Variants in UGP2 observed in about 807,000 individuals in gnomAD.
The protein encoded by UGP2 is UTP--glucose-1-phosphate uridylyltransferase.
A neutral mutation model predicts 49.0 loss-of-function variants in UGP2; 40 were observed. That is an observed-to-expected ratio of 0.82 (90% CI 0.63 to 1.06). The LOEUF is 1.06. Ranked by LOEUF, UGP2 falls within the 50% of genes least tolerant of loss-of-function variation. The pLI is 0.00. For missense variants in UGP2, 460 were observed against 603.5 expected, an observed-to-expected ratio of 0.76 and a Z score of 2.49; for synonymous variants, 225 against 213.0, an observed-to-expected ratio of 1.06 and a Z score of -0.49.
At position 63,866,985 on chromosome 2, in the gene UGP2, T is replaced by C. The variant is rs151215249; in HGVS notation, c.255+9049T>C. ...ATGGCTACTTTGACATTTACCTGTT[T>C]TTAAATTTTTTATTTTTAACACCAT... On this transcript the variant is annotated intron_variant, in intron 3 of 9. Coordinates refer to ENST00000337130, the MANE Select transcript of UGP2 (RefSeq NM_006759.4). Among the ~76,000 whole-genome samples, 389 of 152,356 alleles carry C rather than the reference T, an allele frequency of 2.6e-3. 2 individuals carry two copies. Among genetic ancestry groups the C allele is most frequent in the African/African-American group, 9.2e-3 (384 of 41,590 alleles).
Position 63,842,111 on chromosome 2 carries a change from A to G in UGP2, c.-75A>G. ...CATCGGTTGTTAAAGCAGGAGAGGA[A>G]GAGAGACCTGCCCTGTAGCGTGACT... is the stretch of plus-strand genomic sequence containing the variant. On this transcript the variant is annotated 5_prime_UTR_variant, in exon 1 of 10. Transcript: ENST00000337130. The G allele has an allele frequency of 6.5e-7, 1 of 1,527,404 alleles. No homozygotes were observed. Among genetic ancestry groups the G allele is most frequent in the Non-Finnish European group, 8.7e-7 (1 of 1,143,006 alleles). The allele number at this position is 1,527,404 out of a possible 1,614,324, so 94.6% of individuals were successfully genotyped here.
intron 8 of UGP2, 54 bp from the exon 9 acceptor site, chr2:63,890,027 G>GTCTT: frequency 7.4e-7 from 1 of 1,344,138 alleles, no homozygotes; most frequent in Non-Finnish European, 1.0e-6. Context: ...TATTTTTCCT[G>GTCTT]TCTTTCTTTG....
At chr2:63,890,051 C>A (rs373310036) in intron 8 of UGP2, 30 bp from the exon 9 acceptor site, 2 of 1,548,196 alleles carry the variant, frequency 1.3e-6, no homozygotes, top group Admixed American at 1.9e-5. Context: ...CCATTTGAGA[C>A]AAATTTTTAT....
At chr2:63,876,531 T>TCA (rs1670916179) in intron 3 of UGP2, among the ~76,000 whole-genome samples, 1 of 152,242 alleles carries the variant, frequency 6.6e-6, no homozygotes, top group Admixed American at 6.5e-5. Context: ...GAGAGTCTTC[T>TCA]GTGGTTAACA....
chr2:63,881,225 G>A (rs1671285183), intron 3 of UGP2, among the ~76,000 whole-genome samples: 1 of 152,046 alleles, frequency 6.6e-6, no homozygotes, highest in African/African-American at 2.4e-5. Context: ...TTGTTATCAG[G>A]AGGCAACATA....
At chr2:63,876,931 C>G (rs1185275058) in intron 3 of UGP2, among the ~76,000 whole-genome samples, 2 of 152,158 alleles carry the variant, frequency 1.3e-5, no homozygotes, top group African/African-American at 2.4e-5. Context: ...TGGGGATATT[C>G]GAGTTAAAAC....
chr2:63,854,106 GGA>G (rs1669225192), intron 1 of UGP2, among the ~76,000 whole-genome samples: 1 of 152,130 alleles, frequency 6.6e-6, no homozygotes, highest in Admixed American at 6.5e-5. Context: ...TGGTGGAATG[GGA>G]CTAAAAAAAC....
intron 3 of UGP2, 140 bp from the exon 4 acceptor site, chr2:63,882,326 G>T: frequency 1.4e-6 from 1 of 706,170 alleles, no homozygotes. Flanking sequence ...AAGGGCCTAT[G>T]ACATTAAAGA....
intron 3 of UGP2, among the ~76,000 whole-genome samples, chr2:63,859,003 C>CT (rs1400050164): frequency 0.024 from 3,305 of 135,126 alleles, 35 homozygotes; most frequent in East Asian, 0.041. Context: ...TTTCTTTTTT[C>CT]TTTTTTTTTT....
chr2:63,884,633 T>A (rs1558961000), intron 5 of UGP2, among the ~76,000 whole-genome samples: 1 of 152,276 alleles, frequency 6.6e-6, no homozygotes, highest in Middle Eastern at 3.4e-3. Flanking sequence ...GTTTTGAGGC[T>A]GGGTGTGGTG....
chr2:63,843,655 A>C (rs1305319269), intron 1 of UGP2, among the ~76,000 whole-genome samples: 2 of 152,228 alleles, frequency 1.3e-5, no homozygotes, highest in Non-Finnish European at 2.9e-5. Flanking sequence ...ATCAAGTGGT[A>C]AGAGTTGCTG....
intron 3 of UGP2, among the ~76,000 whole-genome samples, chr2:63,879,598 C>T (rs776906525): frequency 2.1e-4 from 32 of 152,226 alleles, no homozygotes; most frequent in Middle Eastern, 3.4e-3. Flanking sequence ...AAATGGCATA[C>T]AATATTGTTA....
chr2:63,876,173 G>A (rs1394635822), intron 3 of UGP2, among the ~76,000 whole-genome samples: 1 of 152,098 alleles, frequency 6.6e-6, no homozygotes, highest in Non-Finnish European at 1.5e-5. Context: ...CTGTGGGACT[G>A]CTTGGTTAGG....
At chr2:63,878,776 A>G (rs189223157) in intron 3 of UGP2, among the ~76,000 whole-genome samples, 5 of 152,300 alleles carry the variant, frequency 3.3e-5, no homozygotes, top group African/African-American at 1.2e-4. Flanking sequence ...ATATTGCCCA[A>G]GCTGTTCTCA....
chr2:63,869,122 A>G (rs560712472), intron 3 of UGP2, among the ~76,000 whole-genome samples: 8 of 152,324 alleles, frequency 5.3e-5, no homozygotes, highest in African/African-American at 1.9e-4. Context: ...AATCTAGTAA[A>G]GAAGTGGACA....
chr2:63,858,865 A>T (rs1162255874), intron 3 of UGP2, among the ~76,000 whole-genome samples: 1 of 150,828 alleles, frequency 6.6e-6, no homozygotes, highest in Non-Finnish European at 1.5e-5. Context: ...AAATTTAGGC[A>T]CTATTTATTC....
At chr2:63,849,562 G>A (rs1276554253) in intron 1 of UGP2, among the ~76,000 whole-genome samples, 1 of 152,206 alleles carries the variant, frequency 6.6e-6, no homozygotes, top group Non-Finnish European at 1.5e-5. Flanking sequence ...CAGTGTATAA[G>A]GAAGAGTTGA....
intron 1 of UGP2, among the ~76,000 whole-genome samples, chr2:63,847,768 TC>T (rs1668751732): frequency 6.6e-6 from 1 of 152,146 alleles, no homozygotes. Flanking sequence ...CATTTACACT[TC>T]TTTTGTGGTG....
At chr2:63,849,695 T>G (rs997260791) in intron 1 of UGP2, among the ~76,000 whole-genome samples, 1 of 152,192 alleles carries the variant, frequency 6.6e-6, no homozygotes, top group Admixed American at 6.5e-5. Flanking sequence ...TGGTAAACCA[T>G]GTAAATACAC....
Sources: allele counts gnomAD v4.1 joint callset (sites outside exome capture counted in the v4.1 genomes callset), GRCh38; gene constraint gnomAD v4.1.1; transcripts MANE v1.5; gene names NCBI Gene and HGNC (gene_info 2026-07-23, HGNC 2026-07-21).